Variants in CNTNAP2 observed in about 807,000 individuals in gnomAD.
CNTNAP2 encodes contactin associated protein 2.
Under a neutral mutation model 155.2 loss-of-function variants are expected in CNTNAP2, and 98 were observed. The ratio of observed to expected loss-of-function variants is 0.63; its 90% CI spans 0.54 to 0.75. CNTNAP2 has a LOEUF of 0.75. CNTNAP2 is among the 30% of genes least tolerant of loss of function. The pLI, the probability that CNTNAP2 is intolerant of heterozygous loss-of-function variation, is 0.00. For synonymous variants in CNTNAP2, 651 were observed against 631.2 expected, an observed-to-expected ratio of 1.03 and a Z score of -0.47; for missense variants, 1,727 against 1,688.1, an observed-to-expected ratio of 1.02 and a Z score of -0.40.
chr7:147,407,460 T>A (rs1320960178), intron 10 of CNTNAP2, among the ~76,000 whole-genome samples: 1 of 90,308 alleles, frequency 1.1e-5, no homozygotes, highest in African/African-American at 4.5e-5. Context: ...AGAGCGAGAC[T>A]CCCTCTCAAA....
At chr7:146,400,118 C>T (rs1795692683) in intron 1 of CNTNAP2, among the ~76,000 whole-genome samples, 2 of 152,096 alleles carry the variant, frequency 1.3e-5, no homozygotes. Context: ...TCCCTCCCTC[C>T]ATCCCTGCCT....
At chr7:147,275,667 C>A (rs1804880123) in intron 8 of CNTNAP2, among the ~76,000 whole-genome samples, 1 of 152,014 alleles carries the variant, frequency 6.6e-6, no homozygotes, top group African/African-American at 2.4e-5. Context: ...ATTTCTCTTG[C>A]CTAAGTGCCC....
At chr7:147,729,406 GCACA>G (rs539684579) in intron 13 of CNTNAP2, among the ~76,000 whole-genome samples, 22 of 52,086 alleles carry the variant, frequency 4.2e-4, no homozygotes, top group African/African-American at 2.0e-3. Flanking sequence ...AAGAAAACAT[GCACA>G]CACACGCACA....
At chr7:148,064,364 G>T (rs1214639261) in intron 15 of CNTNAP2, among the ~76,000 whole-genome samples, 1 of 152,036 alleles carries the variant, frequency 6.6e-6, no homozygotes, top group South Asian at 2.1e-4. Context: ...CCACAAGGAT[G>T]AGATGTGTTT....
chr7:148,342,135 C>G (rs776882655), intron 21 of CNTNAP2, among the ~76,000 whole-genome samples: 1 of 152,214 alleles, frequency 6.6e-6, no homozygotes, highest in African/African-American at 2.4e-5. Context: ...CCCAGTGGCC[C>G]TTCTACTCTC....
Position 148,172,477 on chromosome 7 carries a change from AG to A in CNTNAP2, c.3010+1del. On this transcript the variant is annotated frameshift_variant and splice_region_variant, in exon 18 of 24. Coordinates refer to ENST00000361727, the MANE Select transcript of CNTNAP2 (RefSeq NM_014141.6). LOFTEE classifies it high-confidence loss of function. Reference sequence around the variant, plus strand: ...CATATGATGGAACATTTTGCAACAAAGGTAAGGTGGAACCCATTTCCAGAGC... The same window carrying A: ...CATATGATGGAACATTTTGCAACAAAGTAAGGTGGAACCCATTTCCAGAGC... ...TAYDGTFCNK[D>X]VGAFFEEGMW... 6.2e-7 allele frequency: 1 copy of A among 1,613,898 alleles called. No homozygotes were observed. The highest frequency in any genetic ancestry group is 8.5e-7 in the Non-Finnish European group (1 of 1,179,786).
intron 14 of CNTNAP2, among the ~76,000 whole-genome samples, chr7:147,916,701 C>G (rs1005013947): frequency 2.0e-5 from 3 of 150,228 alleles, no homozygotes; most frequent in African/African-American, 7.4e-5. Flanking sequence ...TGCATTCTGC[C>G]CAAAAAATCA....
At chr7:147,534,674 C>A (rs974719965) in intron 11 of CNTNAP2, among the ~76,000 whole-genome samples, 4 of 152,014 alleles carry the variant, frequency 2.6e-5, no homozygotes, top group Non-Finnish European at 5.9e-5. Context: ...TTTAAAGTGG[C>A]CTTCGGGTGG....
chr7:147,446,478 A>C (rs1283676213), intron 10 of CNTNAP2, among the ~76,000 whole-genome samples: 1 of 149,472 alleles, frequency 6.7e-6, no homozygotes, highest in African/African-American at 2.4e-5. Flanking sequence ...ATTTGTCCAC[A>C]TCATCAATAA....
In CNTNAP2 at chr7:147,395,590, C is replaced by T. The variant is rs755038475; in HGVS notation, c.1499-19C>T. 1 of 1,610,466 alleles carries T rather than the reference C, an allele frequency of 6.2e-7. No homozygotes were observed. Among genetic ancestry groups the T allele is most frequent in the Non-Finnish European group, 8.5e-7 (1 of 1,177,486 alleles). ...ATACTGTACACCAGATTTACATTCCCATTTCTTCTGTTTCACAGGTTTTCT... is the reference window on the plus strand; with the variant it reads ...ATACTGTACACCAGATTTACATTCCTATTTCTTCTGTTTCACAGGTTTTCT... On this transcript the variant is annotated intron_variant, in intron 9 of 23. Coordinates refer to ENST00000361727, the MANE Select transcript of CNTNAP2 (RefSeq NM_014141.6).
intron 21 of CNTNAP2, among the ~76,000 whole-genome samples, chr7:148,306,388 T>G (rs1797492951): frequency 6.6e-6 from 1 of 152,192 alleles, no homozygotes; most frequent in Non-Finnish European, 1.5e-5. Flanking sequence ...GGGGACAATT[T>G]CTTCTTTCAT....
At position 147,044,015 on chromosome 7, in the gene CNTNAP2, C is replaced by G. The variant is rs375032955; in HGVS notation, c.511C>G (p.Arg171Gly). The G allele has an allele frequency of 6.2e-7, 1 of 1,614,132 alleles. No homozygotes were observed. Among genetic ancestry groups the G allele is most frequent in the South Asian group, 1.1e-5 (1 of 91,088 alleles). ...GCCTCTGGATTGGAATGGAGAAGGT[C>G]GCATTGGACTCAGAATTGAAGTTTA... is the stretch of plus-strand genomic sequence containing the variant. ...IVPLDWNGEG[R>G]IGLRIEVYGC... The change falls in exon 4 of 24, where the codon CGC becomes GGC. Residue 171 changes from arginine (R) to glycine (G), a missense_variant. Coordinates refer to ENST00000361727, the MANE Select transcript of CNTNAP2 (RefSeq NM_014141.6).
chr7:147,214,877 G>A (rs903014219), intron 8 of CNTNAP2, among the ~76,000 whole-genome samples: 1 of 152,070 alleles, frequency 6.6e-6, no homozygotes, highest in Admixed American at 6.6e-5. Flanking sequence ...CCACATGGCC[G>A]GGGAGGCCTC....
chr7:147,361,776 T>C (rs1376179489), intron 9 of CNTNAP2, among the ~76,000 whole-genome samples: 1 of 152,162 alleles, frequency 6.6e-6, no homozygotes, highest in African/African-American at 2.4e-5. Flanking sequence ...GATAGTCTTA[T>C]TGAGTAAGAT....
rs191000743 is a variant in CNTNAP2, at chr7:147,751,232, T to G, written c.2098+111926T>G. ...AATAATTATCTGAAACCTTCTGTAC[T>G]TTTAAGAACATAAAATGATCCGAAA... On this transcript the variant is annotated intron_variant, in intron 13 of 23. Coordinates refer to ENST00000361727, the MANE Select transcript of CNTNAP2 (RefSeq NM_014141.6). 6.1e-3 allele frequency among the ~76,000 whole-genome samples: 923 copies of G among 151,886 alleles called. 4 individuals are homozygous for G. The highest frequency in any genetic ancestry group is 0.021 in the African/African-American group (879 of 41,510).
intron 11 of CNTNAP2, among the ~76,000 whole-genome samples, chr7:147,514,316 T>A (rs1799077183): frequency 6.6e-6 from 1 of 152,034 alleles, no homozygotes; most frequent in South Asian, 2.1e-4. Context: ...TGTAGATAGA[T>A]TTTTACATCT....
chr7:147,095,098 C>A (rs1208717969), intron 4 of CNTNAP2, among the ~76,000 whole-genome samples: 2 of 151,888 alleles, frequency 1.3e-5, no homozygotes, highest in Non-Finnish European at 2.9e-5. Flanking sequence ...CGGCTCACTG[C>A]AACCTTCGTC....
chr7:147,349,197 A>G (rs1220580046), intron 9 of CNTNAP2, among the ~76,000 whole-genome samples: 1 of 151,960 alleles, frequency 6.6e-6, no homozygotes, highest in African/African-American at 2.4e-5. Flanking sequence ...TAATTATCCT[A>G]ATCTGACCGT....
intron 10 of CNTNAP2, among the ~76,000 whole-genome samples, chr7:147,452,186 G>A (rs948194897): frequency 7.9e-5 from 12 of 152,276 alleles, no homozygotes; most frequent in Admixed American, 4.6e-4. Context: ...CCCTAAAAAG[G>A]ATTACATAGA....
Sources: gnomAD v4.1 joint callset for allele counts (sites outside exome capture counted in the v4.1 genomes callset) on GRCh38, gnomAD v4.1.1 for gene constraint, MANE v1.5 for transcripts, NCBI Gene and HGNC (gene_info 2026-07-23, HGNC 2026-07-21) for gene names.